Variants in HTR2C observed in about 807,000 individuals in gnomAD.
The protein encoded by HTR2C is 5-hydroxytryptamine (serotonin) receptor 2C, G protein-coupled.
Under a neutral mutation model 21.0 loss-of-function variants are expected in HTR2C, and 5 were observed. The ratio of observed to expected loss-of-function variants is 0.24; its 90% CI spans 0.12 to 0.50. HTR2C has a LOEUF of 0.50. Ranked by LOEUF, HTR2C falls within the 20% of genes least tolerant of loss-of-function variation. The pLI is 0.98. For synonymous variants in HTR2C, 150 were observed against 145.3 expected (o/e 1.03, Z -0.23); for missense variants, 271 against 371.2 (o/e 0.73, Z 2.22).
chrX:114,847,065 A>G (rs1426106538), intron 4 of HTR2C, among the ~76,000 whole-genome samples: 1 of 111,544 alleles, frequency 9.0e-6, no homozygotes, highest in Non-Finnish European at 1.9e-5. Context: ...AGCATCAGCC[A>G]CAAAGAAGAA....
chrX:114,703,365 A>T (rs1304561173), intron 2 of HTR2C, among the ~76,000 whole-genome samples: 2 of 111,109 alleles, frequency 1.8e-5, no homozygotes, highest in African/African-American at 6.5e-5. Flanking sequence ...ACTGTCTCTC[A>T]GACCACAGTG....
chrX:114,853,679 A>G (rs951009547), intron 5 of HTR2C, among the ~76,000 whole-genome samples: 1 of 111,841 alleles, frequency 8.9e-6, no homozygotes, highest in Admixed American at 9.5e-5. Flanking sequence ...TGAAGTTCAC[A>G]TTTTATTCCA....
intron 1 of HTR2C, among the ~76,000 whole-genome samples, chrX:114,594,161 T>G (rs1294329307): frequency 8.9e-6 from 1 of 112,167 alleles, no homozygotes; most frequent in African/African-American, 3.2e-5. Flanking sequence ...CAAAAGAAGT[T>G]ACTTAACTAT....
chrX:114,723,557 G>A (rs1933313764), intron 2 of HTR2C, among the ~76,000 whole-genome samples: 1 of 108,465 alleles, frequency 9.2e-6, no homozygotes, highest in Non-Finnish European at 1.9e-5. Context: ...CCTTCTGCTA[G>A]CTTTTGAATG....
intron 1 of HTR2C, among the ~76,000 whole-genome samples, chrX:114,609,168 A>C (rs1477686965): frequency 9.0e-6 from 1 of 111,459 alleles, no homozygotes; most frequent in Non-Finnish European, 1.9e-5. Flanking sequence ...AACAGTAAAT[A>C]AAATCGGAAT....
chrX:114,823,631 C>T, intron 4 of HTR2C: 1 of 314,117 alleles, frequency 3.2e-6, no homozygotes, highest in Admixed American at 3.3e-5. Context: ...CATGGAAACA[C>T]AGATGCTAGA....
At chrX:114,828,653 C>T (rs781816910) in intron 4 of HTR2C, among the ~76,000 whole-genome samples, 2 of 111,499 alleles carry the variant, frequency 1.8e-5, no homozygotes, top group Non-Finnish European at 3.8e-5. Flanking sequence ...GATGTCCAAC[C>T]GTCATCTCTA....
At chrX:114,606,040 G>A (rs1477841448) in intron 1 of HTR2C, among the ~76,000 whole-genome samples, 2 of 109,161 alleles carry the variant, frequency 1.8e-5, no homozygotes, top group Non-Finnish European at 3.8e-5. Context: ...GCAGAAATAA[G>A]GGATTGGGGC....
chrX:114,641,202 T>C (rs1205566646), intron 2 of HTR2C, among the ~76,000 whole-genome samples: 1 of 110,246 alleles, frequency 9.1e-6, no homozygotes, highest in Non-Finnish European at 1.9e-5. Context: ...CCTTGTTTCT[T>C]AAACTTGAAT....
chrX:114,612,649 G>A (rs959920733), intron 1 of HTR2C, among the ~76,000 whole-genome samples: 2 of 112,079 alleles, frequency 1.8e-5, no homozygotes, highest in African/African-American at 6.5e-5. Context: ...ATTGTTCTAT[G>A]TGAAATGTTT....
At chrX:114,617,302 T>C (rs1928988021) in intron 2 of HTR2C, among the ~76,000 whole-genome samples, 1 of 111,551 alleles carries the variant, frequency 9.0e-6, no homozygotes, top group Admixed American at 9.6e-5. Flanking sequence ...TAGCCAGGCA[T>C]GATGGTGCAA....
chrX:114,892,620 C>T (rs930912245), intron 5 of HTR2C, among the ~76,000 whole-genome samples: 57 of 110,761 alleles, frequency 5.1e-4, no homozygotes, highest in African/African-American at 1.7e-3. Context: ...TTTCCATATA[C>T]TCACAACAAG....
chrX:114,776,227 G>A (rs781931293), intron 4 of HTR2C: 144 of 562,167 alleles, frequency 2.6e-4, no homozygotes, highest in Middle Eastern at 1.5e-3. Context: ...TGTCTAAGCC[G>A]TAAGCAATAT....
At chrX:114,817,298 T>A (rs1218847586) in intron 4 of HTR2C, among the ~76,000 whole-genome samples, 1 of 111,741 alleles carries the variant, frequency 8.9e-6, no homozygotes, top group Non-Finnish European at 1.9e-5. Flanking sequence ...AGTAATATGC[T>A]TTCATTGTAC....
At chrX:114,656,814 A>G (rs1556409318) in intron 2 of HTR2C, among the ~76,000 whole-genome samples, 1 of 111,128 alleles carries the variant, frequency 9.0e-6, no homozygotes, top group Admixed American at 9.6e-5. Context: ...ATCAGATCCT[A>G]TAACATGAAT....
rs1426181987 is a variant in HTR2C, at chrX:114,908,042, T to G, written c.*627T>G. The G allele has an allele frequency of 8.9e-6, 1 of 112,311 alleles. No individual in the cohort carries two copies. The highest frequency in any genetic ancestry group is 3.2e-5 in the African/African-American group (1 of 30,833). 9.3% of individuals were successfully genotyped at this position (112,311 alleles called of 1,213,427 possible). A position where few individuals can be genotyped will look rare whatever the true frequency, so the allele number is the denominator to read the frequency against. ...TTACTGCAATGTCTGTCCCTAAACA[T>G]AGTGGTATTTTAACATAGCAGCTGG... On this transcript the variant is annotated 3_prime_UTR_variant, in exon 6 of 6. Coordinates refer to ENST00000276198, the MANE Select transcript of HTR2C (RefSeq NM_000868.4).
At chrX:114,767,130 G>A (rs1284443935) in intron 4 of HTR2C, among the ~76,000 whole-genome samples, 1 of 111,337 alleles carries the variant, frequency 9.0e-6, no homozygotes, top group African/African-American at 3.2e-5. Flanking sequence ...TTTTATGGGA[G>A]CATGTACAAT....
chrX:114,846,439 T>C (rs1556467502), intron 4 of HTR2C, among the ~76,000 whole-genome samples: 2 of 111,725 alleles, frequency 1.8e-5, no homozygotes, highest in African/African-American at 3.2e-5. Context: ...GCAAACTAAA[T>C]TCAGCACCAT....
rs1212777437 is a variant in HTR2C at position 114,811,368 on chromosome X, A to G, written c.350-36635A>G. Among the ~76,000 whole-genome samples the G allele has an allele frequency of 3.6e-5, 4 of 110,265 alleles. No individual in the cohort carries two copies. In the Admixed American group the frequency reaches 3.9e-4, roughly 11 times the overall value. On this transcript the variant is annotated intron_variant, in intron 4 of 5. Coordinates refer to ENST00000276198, the MANE Select transcript of HTR2C (RefSeq NM_000868.4). ...TTGGAAGATTAACATGCTAATGTTTATAGAATGCTGTAAAGTCTTCGTATA... is the reference window on the plus strand; with the variant it reads ...TTGGAAGATTAACATGCTAATGTTTGTAGAATGCTGTAAAGTCTTCGTATA...
Sources: allele counts gnomAD v4.1 joint callset (sites outside exome capture counted in the v4.1 genomes callset), GRCh38; gene constraint gnomAD v4.1.1; transcripts MANE v1.5; gene names NCBI Gene and HGNC (gene_info 2026-07-23, HGNC 2026-07-21).